The following FASTKD1 variants were observed in gnomAD, a reference collection of about 807,000 sequenced individuals.
The protein encoded by FASTKD1 is FAST kinase domains 1.
In FASTKD1, 94 loss-of-function variants were observed where a neutral mutation model predicts 90.9. The observed-to-expected ratio is 1.03, with a 90% CI of 0.88 to 1.23. The LOEUF (loss-of-function observed/expected upper bound fraction) is 1.23, where lower values mean the gene tolerates loss of function less well. Ranked by LOEUF, FASTKD1 falls within the 50% of genes most tolerant of loss-of-function variation. FASTKD1 has a pLI of 0.00. For missense variants in FASTKD1, 945 were observed against 993.5 expected (o/e 0.95, Z 0.66); for synonymous variants, 319 against 345.8 (o/e 0.92, Z 0.86).
intron 3 of FASTKD1, 63 bp from the exon 4 acceptor site, chr2:169,563,413 A>G (rs1683802474): frequency 3.4e-6 from 4 of 1,180,872 alleles, no homozygotes; most frequent in Non-Finnish European, 4.6e-6. Flanking sequence ...CACATAATAT[A>G]TAGTTATAAA....
At chr2:169,535,891 C>A (rs1003708809) in intron 12 of FASTKD1, among the ~76,000 whole-genome samples, 4 of 151,880 alleles carry the variant, frequency 2.6e-5, no homozygotes, top group Admixed American at 2.6e-4. Flanking sequence ...TCTAGTTCTT[C>A]TACTTAACAA....
At chr2:169,565,364 G>A (rs1337060479) in intron 3 of FASTKD1, among the ~76,000 whole-genome samples, 5 of 138,264 alleles carry the variant, frequency 3.6e-5, no homozygotes, top group Non-Finnish European at 7.6e-5. Flanking sequence ...CCGAGTTCAC[G>A]CCATTCTCCT....
intron 4 of FASTKD1, among the ~76,000 whole-genome samples, chr2:169,561,864 TAA>T (rs1683662263): frequency 4.6e-4 from 9 of 19,482 alleles, no homozygotes; most frequent in Non-Finnish European, 6.5e-4. Context: ...TATTGTAAAA[TAA>T]TTATTTATTA....
chr2:169,572,019 GT>G lies in FASTKD1; in HGVS notation c.10del (p.Thr4HisfsTer5). 1.3e-6 allele frequency: 2 copies of G among 1,565,870 alleles called. No homozygotes were observed. The highest frequency in any genetic ancestry group is 1.4e-5 in the African/African-American group (1 of 72,688). On this transcript the variant is annotated frameshift_variant, in exon 2 of 15. Transcript: ENST00000453153. LOFTEE classifies it high-confidence loss of function. Reference sequence around the variant, plus strand: ...AACCAATGACTCTAGGAAAACAGGTGTTTTTTTCATTTATATCACAAGTTTT... The same window carrying G: ...AACCAATGACTCTAGGAAAACAGGTGTTTTTTCATTTATATCACAAGTTTT... MKKTPVFLESLVTN... is the reference protein window; with the variant it reads MKKXPVFLESLVTN...
At position 169,560,429 on chromosome 2, in the gene FASTKD1, A is replaced by C. The variant is rs1378948209; in HGVS notation, c.929T>G (p.Phe310Cys). The C allele has an allele frequency of 6.4e-7, 1 of 1,569,642 alleles. No individual in the cohort carries two copies. The highest frequency in any genetic ancestry group is 8.6e-7 in the Non-Finnish European group (1 of 1,165,982). The stretch of plus-strand genomic sequence containing the variant: ...TCCTGCAATGGGTCCCAATGCTACA[A>C]ACAATTTTACAAAGCTAGCAGGATG... ...CNHPASFVKL[F>C]VALGPIAGPE... is the part of the protein sequence containing the mutation. The change falls in exon 5 of 15, where the codon TTT becomes TGT. Residue 310 changes from phenylalanine to cysteine, a missense_variant. By Grantham distance (205) the Phe-to-Cys change is radical (BLOSUM62 -2). Coordinates refer to ENST00000453153, the MANE Select transcript of FASTKD1 (RefSeq NM_024622.6).
At position 169,563,300 on chromosome 2, in the gene FASTKD1, T is replaced by C; in HGVS notation, c.497A>G (p.His166Arg). The change falls in exon 4 of 15, where the codon CAT becomes CGT. Residue 166 changes from histidine (H) to arginine (R), a missense_variant. His to Arg is a conservative substitution (Grantham distance 29, BLOSUM62 0). Transcript: ENST00000453153. ...SEFSSCLADQ[H>R]LYFSPLMGKI... ...TCCCATTAATGGACTAAAATACAAA[T>C]GCTGATCTGCTAGGCAAGAGGAAAA... is the stretch of plus-strand genomic sequence containing the variant. The C allele has an allele frequency of 6.2e-7, 1 of 1,611,816 alleles. No individual in the cohort carries two copies. Among genetic ancestry groups the C allele is most frequent in the East Asian group, 2.2e-5 (1 of 44,832 alleles).
chr2:169,540,054 C>A lies in FASTKD1; in HGVS notation c.1942G>T (p.Glu648Ter). The change falls in exon 10 of 15, where the codon GAA becomes TAA. Residue 648 changes from glutamate (E) to a stop codon, truncating the protein, a stop_gained. Transcript: ENST00000453153. LOFTEE classifies it high-confidence loss of function. ...KFLARLDSQLEILSPSRSARV... is the reference protein window; with the variant it reads ...KFLARLDSQL ...AAATTAAAAGATAGATACATACTTTCAAGTTGAGAATCCAATCTAGCTAAG... is the reference window on the plus strand; with the variant it reads ...AAATTAAAAGATAGATACATACTTTAAAGTTGAGAATCCAATCTAGCTAAG... 1 of 1,564,254 alleles carries A rather than the reference C, an allele frequency of 6.4e-7. No homozygotes were observed. Among genetic ancestry groups the A allele is most frequent in the Admixed American group, 1.8e-5 (1 of 55,846 alleles).
intron 5 of FASTKD1, among the ~76,000 whole-genome samples, chr2:169,559,057 C>T (rs1683463829): frequency 6.6e-6 from 1 of 151,552 alleles, no homozygotes; most frequent in African/African-American, 2.4e-5. Flanking sequence ...TTACTGCAAC[C>T]TGCACCTCCC....
chr2:169,565,002 T>C (rs1437575082), intron 3 of FASTKD1, among the ~76,000 whole-genome samples: 3 of 147,986 alleles, frequency 2.0e-5, no homozygotes, highest in Non-Finnish European at 4.5e-5. Flanking sequence ...TGCCCCAGGC[T>C]GGAGTGCAAT....
intron 1 of FASTKD1, 91 bp from the exon 2 acceptor site, chr2:169,572,262 C>G (rs976014865): frequency 1.2e-5 from 4 of 341,240 alleles, no homozygotes; most frequent in African/African-American, 8.5e-5. Flanking sequence ...ATTTTTTCTG[C>G]ATTAACTAAA....
intron 7 of FASTKD1, among the ~76,000 whole-genome samples, chr2:169,554,376 CTT>C (rs1685647524): frequency 7.0e-6 from 1 of 142,044 alleles, no homozygotes; most frequent in East Asian, 2.3e-4. Context: ...CATGAAAACA[CTT>C]TTTCGCTGGG....
chr2:169,573,787 C>T lies in FASTKD1; in HGVS notation c.-261G>A, dbSNP rs573248592. On this transcript the variant is annotated 5_prime_UTR_variant, in exon 1 of 15. Transcript: ENST00000453153. ...GAACGAAACAGGCTCGGATGTCTCG[C>T]CCAACCCTCATATCTCAGGGTTTAT... The T allele has an allele frequency of 6.6e-6, 1 of 152,304 alleles. No homozygotes were observed. Among genetic ancestry groups the T allele is most frequent in the South Asian group, 2.1e-4 (1 of 4,832 alleles). 9.4% of individuals were successfully genotyped at this position (152,304 alleles called of 1,614,324 possible).
Position 169,537,324 on chromosome 2 carries a change from A to T in FASTKD1, c.2091T>A (p.Asp697Glu). The change falls in exon 12 of 15, where the codon GAT becomes GAA. Residue 697 changes from aspartate to glutamate, a missense_variant. Physicochemically the swap from Asp to Glu is conservative, Grantham distance 45. Coordinates refer to ENST00000453153, the MANE Select transcript of FASTKD1 (RefSeq NM_024622.6). ...QQYNKGIGGM[D>E]GTQQQIFKML... ...TTTTAAAAATCTGCTGTTGTGTTCCATCCATGCCACCAATACCTTTATAAA... is the reference window on the plus strand; with the variant it reads ...TTTTAAAAATCTGCTGTTGTGTTCCTTCCATGCCACCAATACCTTTATAAA... The T allele has an allele frequency of 6.2e-7, 1 of 1,605,526 alleles. No homozygotes were observed.
At chr2:169,543,871 A>G (rs1685068820) in intron 9 of FASTKD1, among the ~76,000 whole-genome samples, 1 of 152,218 alleles carries the variant, frequency 6.6e-6, no homozygotes, top group East Asian at 1.9e-4. Flanking sequence ...ATTCTAAACT[A>G]TAAGAGACTG....
rs1175998645 is a variant in FASTKD1, at chr2:169,546,433, T to G, written c.1486A>C (p.Ser496Arg). Reference protein sequence around the residue: ...YGRQRLQHSNSLDLLRKELKS... With the variant: ...YGRQRLQHSNRLDLLRKELKS... ...AGTTCCTTCCGTAACAGATCCAAAC[T>G]GTTGCTGTGTTGTAGTCTCTGACGA... Residue 496 changes from serine to arginine, a missense_variant, in exon 8 of 15, where the codon AGT becomes CGT. Coordinates refer to ENST00000453153, the MANE Select transcript of FASTKD1 (RefSeq NM_024622.6). The G allele has an allele frequency of 6.2e-7, 1 of 1,614,086 alleles. No individual in the cohort carries two copies. The highest frequency in any genetic ancestry group is 1.3e-5 in the African/African-American group (1 of 74,934).
chr2:169,562,370 T>TTACAAA (rs1683742211), intron 4 of FASTKD1, among the ~76,000 whole-genome samples: 1 of 151,892 alleles, frequency 6.6e-6, no homozygotes, highest in Non-Finnish European at 1.5e-5. Flanking sequence ...GTAGCTGGGA[T>TTACAAA]TACAGGCGCC....
intron 3 of FASTKD1, among the ~76,000 whole-genome samples, chr2:169,567,969 TAAAG>T (rs1684059096): frequency 6.6e-6 from 1 of 152,212 alleles, no homozygotes; most frequent in Non-Finnish European, 1.5e-5. Context: ...CTTTTATAAA[TAAAG>T]AGCTTCTGAT....
intron 7 of FASTKD1, among the ~76,000 whole-genome samples, chr2:169,554,278 TAAAAAAAAAAA>T (rs58641456): frequency 1.3e-4 from 4 of 29,812 alleles, no homozygotes; most frequent in South Asian, 2.0e-3. Context: ...ACCCTGTCTC[TAAAAAAAAAAA>T]AAAAAAAAAA....
intron 7 of FASTKD1, among the ~76,000 whole-genome samples, chr2:169,552,333 G>C (rs1437224636): frequency 6.6e-6 from 1 of 152,134 alleles, no homozygotes; most frequent in East Asian, 1.9e-4. Context: ...CTTCTTTGAT[G>C]CTCCCACTCC....
Sources: gnomAD v4.1 joint callset for allele counts (sites outside exome capture counted in the v4.1 genomes callset) on GRCh38, gnomAD v4.1.1 for gene constraint, MANE v1.5 for transcripts, NCBI Gene and HGNC (gene_info 2026-07-23, HGNC 2026-07-21) for gene names.